ANTXR1: variants seen among roughly 807,000 people sequenced by gnomAD.
ANTXR1 encodes the protein anthrax toxin receptor 1.
ANTXR1 carries 19 observed loss-of-function variants against 78.1 expected under a neutral mutation model. The ratio of observed to expected loss-of-function variants is 0.24; its 90% confidence interval spans 0.17 to 0.36. The LOEUF is 0.36. ANTXR1 is among the 10% of genes least tolerant of loss of function. The pLI is 1.00. For missense variants in ANTXR1, 518 were observed against 718.6 expected (o/e 0.72, Z 3.19); for synonymous variants, 273 against 260.5 (o/e 1.05, Z -0.46).
intron 17 of ANTXR1, among the ~76,000 whole-genome samples, chr2:69,219,758 T>G (rs72903141): frequency 1.3e-5 from 2 of 152,062 alleles, no homozygotes; most frequent in South Asian, 4.1e-4. Context: ...TTTTAACAAG[T>G]GGCCCAAGGG....
In ANTXR1 at chr2:69,193,320, T is replaced by C; in HGVS notation, c.1354-15T>C. 6.2e-7 allele frequency: 1 copy of C among 1,613,550 alleles called. No homozygotes were observed. The highest frequency in any genetic ancestry group is 8.5e-7 in the Non-Finnish European group (1 of 1,179,558). On this transcript the variant is annotated splice_polypyrimidine_tract_variant and intron_variant, in intron 16 of 17. Transcript: ENST00000303714. ...TGGTTTCATATGTAATCTTGGTGCA[T>C]TTGTTTTATTTCAGGGAAAACTCGA...
At chr2:69,222,655 G>A (rs1326473095) in intron 17 of ANTXR1, among the ~76,000 whole-genome samples, 2 of 152,214 alleles carry the variant, frequency 1.3e-5, no homozygotes, top group Non-Finnish European at 2.9e-5. Context: ...TGAAGAAGGG[G>A]TGGAGAGCGA....
At chr2:69,169,544 C>T (rs934619130) in intron 13 of ANTXR1, among the ~76,000 whole-genome samples, 4 of 152,248 alleles carry the variant, frequency 2.6e-5, no homozygotes, top group Non-Finnish European at 5.9e-5. Flanking sequence ...TCATCATTCT[C>T]TCATGGGTTA....
At chr2:69,120,061 T>C (rs918023579) in intron 10 of ANTXR1, among the ~76,000 whole-genome samples, 1 of 152,222 alleles carries the variant, frequency 6.6e-6, no homozygotes, top group Non-Finnish European at 1.5e-5. Flanking sequence ...AAAATGCATT[T>C]AATACACCTA....
At chr2:69,201,623 G>A (rs1392119700) in intron 17 of ANTXR1, among the ~76,000 whole-genome samples, 1 of 152,216 alleles carries the variant, frequency 6.6e-6, no homozygotes, top group Non-Finnish European at 1.5e-5. Flanking sequence ...TGGTGGGCAA[G>A]GAAGACAGCT....
At chr2:69,019,363 T>G (rs1238391973) in intron 1 of ANTXR1, among the ~76,000 whole-genome samples, 3 of 152,244 alleles carry the variant, frequency 2.0e-5, no homozygotes, top group Non-Finnish European at 4.4e-5. Context: ...TTTAACTTGT[T>G]TGCTCTTAGA....
chr2:69,139,828 G>A (rs146371115), intron 12 of ANTXR1, among the ~76,000 whole-genome samples: 3 of 152,078 alleles, frequency 2.0e-5, no homozygotes, highest in Non-Finnish European at 4.4e-5. Context: ...TACATTAACG[G>A]TAAGTAAACG....
intron 1 of ANTXR1, among the ~76,000 whole-genome samples, chr2:69,024,290 G>A (rs969826502): frequency 1.3e-5 from 2 of 152,116 alleles, no homozygotes. Context: ...TGATACCCTG[G>A]AGCTGAAAAT....
intron 8 of ANTXR1, among the ~76,000 whole-genome samples, chr2:69,085,409 C>G (rs1375223644): frequency 6.6e-6 from 1 of 152,056 alleles, no homozygotes; most frequent in Non-Finnish European, 1.5e-5. Flanking sequence ...GGCAGCAAGT[C>G]CCCAAAGATG....
At chr2:69,209,297 C>T (rs1674982892) in intron 17 of ANTXR1, among the ~76,000 whole-genome samples, 1 of 152,178 alleles carries the variant, frequency 6.6e-6, no homozygotes, top group South Asian at 2.1e-4. Flanking sequence ...TGACGAGAGC[C>T]ATATAATTTA....
At chr2:69,222,298 T>C (rs180949735) in intron 17 of ANTXR1, among the ~76,000 whole-genome samples, 1 of 152,318 alleles carries the variant, frequency 6.6e-6, no homozygotes, top group East Asian at 1.9e-4. Flanking sequence ...TGTGATGAGG[T>C]AATGTTTTCT....
At chr2:69,038,321 A>G (rs1669508383) in intron 1 of ANTXR1, among the ~76,000 whole-genome samples, 1 of 152,220 alleles carries the variant, frequency 6.6e-6, no homozygotes, top group Non-Finnish European at 1.5e-5. Context: ...TTAAATCCCC[A>G]GTATAATCTT....
chr2:69,242,465 G>GT (rs1248320614), intron 17 of ANTXR1, among the ~76,000 whole-genome samples: 1 of 152,160 alleles, frequency 6.6e-6, no homozygotes, highest in Non-Finnish European at 1.5e-5. Context: ...ACAGCCTCTG[G>GT]TAAAAACAGT....
Position 69,245,460 on chromosome 2 carries a change from G to A in ANTXR1, c.1670G>A (p.Arg557His), listed in dbSNP as rs185708952. Residue 557 changes from arginine to histidine, a missense_variant, in exon 18 of 18, where the codon CGC becomes CAC. This residue lies in a region of ANTXR1 where 192 missense variants were observed against 230.2 expected (regional missense o/e 0.83). Transcript: ENST00000303714. The part of the protein sequence containing the change: ...PPPNRAPPPS[R>H]PPPRPSV ...CCCAACAGGGCACCTCCTCCCTCCC[G>A]CCCTCCTCCAAGGCCTTCTGTCTAG... The A allele has an allele frequency of 5.3e-5, 80 of 1,518,508 alleles. No homozygotes were observed. Among genetic ancestry groups the A allele is most frequent in the African/African-American group, 1.0e-4 (7 of 68,034 alleles). The allele number at this position is 1,518,508 out of a possible 1,614,324, so 94.1% of individuals were successfully genotyped here.
chr2:69,232,700 A>G (rs1484792803), intron 17 of ANTXR1, among the ~76,000 whole-genome samples: 1 of 152,206 alleles, frequency 6.6e-6, no homozygotes, highest in Non-Finnish European at 1.5e-5. Context: ...AAAACAAATG[A>G]GATAAGAATT....
At chr2:69,051,246 G>C (rs6713446) in intron 3 of ANTXR1, among the ~76,000 whole-genome samples, 30,104 of 151,546 alleles carry the variant, frequency 0.2, 5,419 homozygotes, top group African/African-American at 0.47. Context: ...CCACTGCACT[G>C]TAGCCTGAGC....
chr2:69,124,634 C>A lies in ANTXR1; in HGVS notation c.942C>A (p.Thr314=). The change falls in exon 12 of 18, where the codon ACC becomes ACA. Residue 314 remains threonine, a synonymous_variant. Transcript: ENST00000303714. ...SFISSSVIIT[T]THCSDGSILA... ...TCTCCAGTTCTGTCATCATCACCAC[C>A]ACACACTGTGTAAGTCATAACCTTT... 4 of 1,614,152 alleles carry A rather than the reference C, an allele frequency of 2.5e-6. No individual in the cohort carries two copies. Among genetic ancestry groups the A allele is most frequent in the Non-Finnish European group, 2.5e-6 (3 of 1,179,964 alleles).
intron 10 of ANTXR1, among the ~76,000 whole-genome samples, chr2:69,116,355 C>T (rs1301002144): frequency 1.3e-5 from 2 of 152,238 alleles, no homozygotes. Context: ...ATTTCACCAA[C>T]TTGGAGTCCT....
Position 69,102,843 on chromosome 2 carries a change from G to A in ANTXR1, c.705G>A (p.Glu235=), listed in dbSNP as rs145793490. The stretch of plus-strand genomic sequence containing the variant: ...TCTCGTCATTATTCTTTATTTCAGA[G>A]TCATTTCAAGTTGTCGTGAGAGGAA... ...AAEPSTICAG[E]SFQVVVRGNG... is the part of the protein sequence containing the mutation. Residue 235 remains glutamate (E), a splice_region_variant and synonymous_variant, in exon 10 of 18, where the codon GAG becomes GAA. Coordinates refer to ENST00000303714, the MANE Select transcript of ANTXR1 (RefSeq NM_032208.3). 5.6e-6 allele frequency: 9 copies of A among 1,613,890 alleles called. No homozygotes were observed. The Admixed American group carries it at 6.7e-5, about 12-fold the overall frequency.
Sources: gnomAD v4.1 joint callset for allele counts (sites outside exome capture counted in the v4.1 genomes callset) on GRCh38, gnomAD v4.1.1 for gene constraint, gnomAD v4.1.1 regional missense constraint, MANE v1.5 for transcripts, NCBI Gene and HGNC (gene_info 2026-07-23, HGNC 2026-07-21) for gene names.